Variants in RNF43 observed in about 807,000 individuals in gnomAD.
RNF43 encodes ring finger protein 43, also known as E3 ubiquitin-protein ligase RNF43.
In RNF43, 37 loss-of-function variants were observed where a neutral mutation model predicts 78.4. The observed-to-expected ratio is 0.47, with a 90% CI of 0.36 to 0.62. RNF43 has a LOEUF of 0.62. RNF43 is among the 20% of genes least tolerant of loss of function. The pLI is 0.00. For synonymous variants in RNF43, 347 were observed against 395.0 expected, an observed-to-expected ratio of 0.88 and a Z score of 1.44; for missense variants, 774 against 1,007.9, an observed-to-expected ratio of 0.77 and a Z score of 3.14.
intron 2 of RNF43, among the ~76,000 whole-genome samples, chr17:58,385,564 GCTCT>G (rs1448403747): frequency 6.6e-6 from 1 of 152,118 alleles, no homozygotes; most frequent in African/African-American, 2.4e-5. Context: ...CCATTCTAAA[GCTCT>G]CTGTCATTTC....
intron 2 of RNF43, among the ~76,000 whole-genome samples, chr17:58,385,532 C>T (rs1973413074): frequency 6.6e-6 from 1 of 152,196 alleles, no homozygotes; most frequent in South Asian, 2.1e-4. Flanking sequence ...CAGCAGACTT[C>T]TAACTAGTCT....
intron 6 of RNF43, among the ~76,000 whole-genome samples, 168 bp downstream of exon 6, chr17:58,362,376 T>C (rs1169577200): frequency 6.6e-6 from 1 of 152,114 alleles, no homozygotes; most frequent in Admixed American, 6.6e-5. Context: ...GGATGAGTAA[T>C]ATGAGGAGAG....
chr17:58,370,059 A>AG (rs1973047651), intron 3 of RNF43, among the ~76,000 whole-genome samples: 14 of 82,848 alleles, frequency 1.7e-4, no homozygotes, highest in African/African-American at 5.9e-4. Context: ...TGAAAATCTG[A>AG]GTTTTTTTTT....
At chr17:58,404,263 G>A (rs1306279258) in intron 2 of RNF43, among the ~76,000 whole-genome samples, 1 of 152,114 alleles carries the variant, frequency 6.6e-6, no homozygotes, top group Non-Finnish European at 1.5e-5. Flanking sequence ...GAACTAAATA[G>A]GCAAGATACA....
chr17:58,389,445 T>C (rs950269969), intron 2 of RNF43, among the ~76,000 whole-genome samples: 3 of 152,226 alleles, frequency 2.0e-5, no homozygotes, highest in African/African-American at 4.8e-5. Context: ...GAAATAGGAA[T>C]TGGAGTTTGA....
At chr17:58,396,374 C>T (rs1973680019) in intron 2 of RNF43, among the ~76,000 whole-genome samples, 1 of 152,138 alleles carries the variant, frequency 6.6e-6, no homozygotes, top group Non-Finnish European at 1.5e-5. Flanking sequence ...AACCATTTAA[C>T]AGGAAAAAAA....
chr17:58,363,357 T>C lies in RNF43; in HGVS notation c.500A>G (p.Asn167Ser), dbSNP rs780526844. ...LTWPVVLIWG[N>S]DAEKLMEFVY... ...AAACTCCATCAGCTTCTCAGCGTCA[T>C]TACCCCAGATCAACACCACTGGCCA... The change falls in exon 5 of 10, where the codon AAT (asparagine) becomes AGT (serine). Residue 167 changes from asparagine to serine, a missense_variant. Transcript: ENST00000407977. 7 of 1,613,492 alleles carry C rather than the reference T, an allele frequency of 4.3e-6. No homozygotes were observed. In the African/African-American group the frequency reaches 8.0e-5, roughly 19 times the overall value.
chr17:58,372,591 T>A (rs1019943459), intron 2 of RNF43, among the ~76,000 whole-genome samples: 1 of 152,202 alleles, frequency 6.6e-6, no homozygotes, highest in Non-Finnish European at 1.5e-5. Flanking sequence ...TCAGGCTCTG[T>A]CCAATGCAGT....
chr17:58,374,777 T>C (rs1172301607), intron 2 of RNF43, among the ~76,000 whole-genome samples: 1 of 152,162 alleles, frequency 6.6e-6, no homozygotes, highest in East Asian at 1.9e-4. Flanking sequence ...TGATTACATA[T>C]GTACAGTTTG....
chr17:58,417,396 T>G lies in RNF43; in HGVS notation c.-765A>C, dbSNP rs187121336. On this transcript the variant is annotated 5_prime_UTR_variant, in exon 1 of 10. Coordinates refer to ENST00000407977, the MANE Select transcript of RNF43 (RefSeq NM_017763.6). Reference sequence around the variant, plus strand: ...AAGAGAAAAGAAGCAAAGTAGCAAATACATCAACAATTCACTATCAGAAAC... The same window carrying G: ...AAGAGAAAAGAAGCAAAGTAGCAAAGACATCAACAATTCACTATCAGAAAC... 1 of 152,290 alleles carries G rather than the reference T, an allele frequency of 6.6e-6. No homozygotes were observed. Among genetic ancestry groups the G allele is most frequent in the Non-Finnish European group, 1.5e-5 (1 of 68,022 alleles). The allele number at this position is 152,290 out of a possible 1,614,324, so 9.4% of individuals were successfully genotyped here.
chr17:58,369,560 T>C (rs571442456), intron 3 of RNF43, among the ~76,000 whole-genome samples: 2 of 152,362 alleles, frequency 1.3e-5, no homozygotes, highest in East Asian at 1.9e-4. Flanking sequence ...CATACCCGTG[T>C]GTGCCACACA....
At chr17:58,367,148 G>A (rs576657703) in intron 3 of RNF43, among the ~76,000 whole-genome samples, 87 of 152,018 alleles carry the variant, frequency 5.7e-4, no homozygotes, top group Admixed American at 1.7e-3. Flanking sequence ...CTACAGGTGC[G>A]TGCCACCACG....
At chr17:58,410,858 C>T (rs1567898296) in intron 2 of RNF43, among the ~76,000 whole-genome samples, 1 of 152,222 alleles carries the variant, frequency 6.6e-6, no homozygotes, top group East Asian at 1.9e-4. Flanking sequence ...GATAATGGTA[C>T]TCATCACTTT....
At chr17:58,412,169 AGAAGAG>A (rs1328647055) in intron 2 of RNF43, among the ~76,000 whole-genome samples, 1 of 152,186 alleles carries the variant, frequency 6.6e-6, no homozygotes, top group Non-Finnish European at 1.5e-5. Context: ...AGGAAATCAG[AGAAGAG>A]GAAGAGACAA....
chr17:58,362,434 T>C (rs1422955144), intron 6 of RNF43, 110 bp downstream of exon 6: 2 of 672,946 alleles, frequency 3.0e-6, no homozygotes, highest in Non-Finnish European at 4.9e-6. Flanking sequence ...TTGATGTAAA[T>C]GGTTCCATAG....
intron 2 of RNF43, among the ~76,000 whole-genome samples, chr17:58,380,757 A>C (rs1973296020): frequency 6.6e-6 from 1 of 152,192 alleles, no homozygotes; most frequent in Non-Finnish European, 1.5e-5. Context: ...ATTGCAGTGC[A>C]AGAGTGCGAA....
intron 2 of RNF43, among the ~76,000 whole-genome samples, chr17:58,372,047 G>C (rs1973109300): frequency 6.6e-6 from 1 of 152,064 alleles, no homozygotes; most frequent in East Asian, 1.9e-4. Context: ...CACATATCCT[G>C]GCAAGAAAGA....
chr17:58,387,799 A>G (rs983272436), intron 2 of RNF43, among the ~76,000 whole-genome samples: 5 of 152,240 alleles, frequency 3.3e-5, no homozygotes, highest in Admixed American at 2.0e-4. Context: ...CAGCTAAGAT[A>G]TAACTATCTT....
Position 58,399,665 on chromosome 17 carries a change from A to G in RNF43, c.252+15661T>C, listed in dbSNP as rs573639325. On this transcript the variant is annotated intron_variant, in intron 2 of 9. Transcript: ENST00000407977. ...GCAATTTTTTTTTTTTTTTTGAGAC[A>G]AAGTCTCACTCTGTCACCCAGGCTG... Among the ~76,000 whole-genome samples the G allele has an allele frequency of 8.6e-5, 13 of 150,988 alleles. No individual in the cohort carries two copies. The East Asian group carries it at 1.9e-3, about 23-fold the overall frequency.
Sources: allele counts gnomAD v4.1 joint callset (sites outside exome capture counted in the v4.1 genomes callset), GRCh38; gene constraint gnomAD v4.1.1; transcripts MANE v1.5; gene names NCBI Gene and HGNC (gene_info 2026-07-23, HGNC 2026-07-21).